Variants in RTTN observed in about 807,000 individuals in gnomAD.
RTTN encodes the protein rotatin.
A neutral mutation model predicts 269.2 loss-of-function variants in RTTN; 182 were observed. The ratio of observed to expected loss-of-function variants is 0.68; its 90% CI spans 0.60 to 0.76. RTTN has a LOEUF of 0.76. Ranked by LOEUF, RTTN falls within the 30% of genes least tolerant of loss-of-function variation. The pLI, the probability that RTTN is intolerant of heterozygous loss-of-function variation, is 0.00. For synonymous variants in RTTN, 1,006 were observed against 963.5 expected (o/e 1.04, Z -0.82); for missense variants, 2,545 against 2,608.6 (o/e 0.98, Z 0.53).
chr18:70,203,563 C>T (rs992921006), intron 3 of RTTN, among the ~76,000 whole-genome samples: 27 of 152,130 alleles, frequency 1.8e-4, no homozygotes, highest in Admixed American at 8.5e-4. Flanking sequence ...ATTACCTTAG[C>T]CAAGGTCACA....
Position 70,054,166 on chromosome 18 carries a change from A to G in RTTN, c.5150T>C (p.Ile1717Thr), listed in dbSNP as rs747644451. Reference protein sequence around the residue: ...ELVKPLITNIIGILTICTKDV... With the variant: ...ELVKPLITNITGILTICTKDV... Reference sequence around the variant, plus strand: ...TTTGGTACATATGGTGAGAATTCCAATGATATTGGTGATAAGAGGTTTCAC... The same window carrying G: ...TTTGGTACATATGGTGAGAATTCCAGTGATATTGGTGATAAGAGGTTTCAC... The change falls in exon 38 of 49, where the codon ATT becomes ACT. Residue 1717 changes from isoleucine (I) to threonine (T), a missense_variant. Transcript: ENST00000640769. 1.9e-6 allele frequency: 3 copies of G among 1,613,630 alleles called. No individual in the cohort carries two copies. The highest frequency in any genetic ancestry group is 1.1e-5 in the South Asian group (1 of 91,056).
At chr18:70,098,640 GTTTAT>G (rs1407566349) in intron 28 of RTTN, among the ~76,000 whole-genome samples, 2 of 152,126 alleles carry the variant, frequency 1.3e-5, no homozygotes, top group Admixed American at 6.5e-5. Context: ...AAAAAATGAA[GTTTAT>G]TTTATTTTTT....
intron 23 of RTTN, 115 bp from the exon 24 acceptor site, chr18:70,128,661 G>C: frequency 1.4e-6 from 1 of 708,706 alleles, no homozygotes; most frequent in African/African-American, 1.8e-5. Flanking sequence ...TAATGCAAAG[G>C]TTTCTCTTAG....
In RTTN at chr18:70,111,155, G is replaced by C. The variant is rs539976521; in HGVS notation, c.3684-1438C>G. ...AACTTCATCAGATTTAAACATCCCT[G>C]CCTGACGACTCTGAAGAGAGCAGTG... On this transcript the variant is annotated intron_variant, in intron 27 of 48. Coordinates refer to ENST00000640769, the MANE Select transcript of RTTN (RefSeq NM_173630.4). Among the ~76,000 whole-genome samples the C allele has an allele frequency of 3.3e-5, 5 of 152,336 alleles. No individual in the cohort carries two copies. In the East Asian group the frequency reaches 9.7e-4, roughly 29 times the overall value.
At chr18:70,079,299 A>C (rs1182703772) in intron 32 of RTTN, among the ~76,000 whole-genome samples, 1 of 152,118 alleles carries the variant, frequency 6.6e-6, no homozygotes, top group Admixed American at 6.6e-5. Context: ...AAAACCGAGT[A>C]ATCTGAAATA....
chr18:70,048,149 G>C lies in RTTN; in HGVS notation c.5363C>G (p.Pro1788Arg), dbSNP rs904787602. 6.2e-7 allele frequency: 1 copy of C among 1,613,934 alleles called. No individual in the cohort carries two copies. The change falls in exon 40 of 49, where the codon CCT becomes CGT. Residue 1788 changes from proline (P) to arginine (R), a missense_variant. Coordinates refer to ENST00000640769, the MANE Select transcript of RTTN (RefSeq NM_173630.4). ...TTGCAAGCTGGCAGTATACAGGGCAGGACACGTGGCAGACAAGCCTGCACA... is the reference window on the plus strand; with the variant it reads ...TTGCAAGCTGGCAGTATACAGGGCACGACACGTGGCAGACAAGCCTGCACA... ...CTCAGLSATCPALYTASLQFL... is the reference protein window; with the variant it reads ...CTCAGLSATCRALYTASLQFL...
At chr18:70,135,465 A>G (rs2060102628) in intron 21 of RTTN, among the ~76,000 whole-genome samples, 185 bp from the exon 22 acceptor site, 1 of 152,166 alleles carries the variant, frequency 6.6e-6, no homozygotes, top group Non-Finnish European at 1.5e-5. Flanking sequence ...GGCTGGTTAA[A>G]ACAGTTTCTG....
intron 10 of RTTN, among the ~76,000 whole-genome samples, chr18:70,183,722 C>A (rs1370314777): frequency 6.6e-6 from 1 of 152,116 alleles, no homozygotes; most frequent in Admixed American, 6.5e-5. Flanking sequence ...CCCGACGTTG[C>A]CAAACATCCT....
chr18:70,167,095 T>A, intron 12 of RTTN, 64 bp from the exon 13 acceptor site: 1 of 1,028,862 alleles, frequency 9.7e-7, no homozygotes, highest in Non-Finnish European at 1.5e-6. Context: ...TCTCAACAGC[T>A]AACTAAGCAG....
At chr18:70,139,795 C>A in intron 20 of RTTN, 79 bp from the exon 21 acceptor site, 2 of 848,314 alleles carry the variant, frequency 2.4e-6, no homozygotes, top group Non-Finnish European at 3.8e-6. Context: ...TATTATCTTA[C>A]TCTAAATTTT....
intron 39 of RTTN, among the ~76,000 whole-genome samples, chr18:70,049,108 T>C (rs187399320): frequency 4.3e-4 from 66 of 152,320 alleles, no homozygotes; most frequent in African/African-American, 1.4e-3. Context: ...ACTTTTTCTG[T>C]AAAGGTCCAA....
intron 34 of RTTN, among the ~76,000 whole-genome samples, chr18:70,069,615 T>C (rs1255786856): frequency 6.6e-6 from 1 of 152,204 alleles, no homozygotes; most frequent in East Asian, 1.9e-4. Context: ...CAAAAATGAT[T>C]TTCTTTGTAT....
chr18:70,191,630 A>T (rs2061673783), intron 8 of RTTN, among the ~76,000 whole-genome samples: 2 of 152,244 alleles, frequency 1.3e-5, no homozygotes, highest in South Asian at 4.1e-4. Flanking sequence ...GTAAGGATTT[A>T]AAAAGTGTAG....
intron 34 of RTTN, among the ~76,000 whole-genome samples, chr18:70,067,527 T>C (rs1262879950): frequency 1.3e-5 from 2 of 152,238 alleles, no homozygotes; most frequent in African/African-American, 4.8e-5. Context: ...AAAATGTTCC[T>C]GTCAACAGAT....
chr18:70,070,589 C>A (rs2058268714), intron 34 of RTTN, among the ~76,000 whole-genome samples: 1 of 152,168 alleles, frequency 6.6e-6, no homozygotes, highest in African/African-American at 2.4e-5. Context: ...ATGTTTCATG[C>A]CATTCCATGC....
chr18:70,071,595 G>A (rs1203737982), intron 34 of RTTN, among the ~76,000 whole-genome samples: 1 of 152,130 alleles, frequency 6.6e-6, no homozygotes, highest in Non-Finnish European at 1.5e-5. Flanking sequence ...GTTCGATAGA[G>A]GCCACTCCTG....
At chr18:70,108,370 C>A (rs1211861506) in intron 28 of RTTN, among the ~76,000 whole-genome samples, 1 of 151,828 alleles carries the variant, frequency 6.6e-6, no homozygotes, top group African/African-American at 2.4e-5. Flanking sequence ...TTCTACCTAA[C>A]ATTAGAGAAC....
chr18:70,186,308 T>C (rs1254019414), intron 10 of RTTN, among the ~76,000 whole-genome samples: 3 of 152,240 alleles, frequency 2.0e-5, no homozygotes, highest in East Asian at 3.8e-4. Flanking sequence ...GGAAACTGAC[T>C]TTAATGAAAC....
At chr18:70,134,571 G>T in intron 22 of RTTN, 30 bp from the exon 23 acceptor site, 1 of 1,532,662 alleles carries the variant, frequency 6.5e-7, no homozygotes, top group Non-Finnish European at 8.9e-7. Context: ...CAAAAACAAA[G>T]AAACAACTGA....
Sources: gnomAD v4.1 joint callset for allele counts (sites outside exome capture counted in the v4.1 genomes callset) on GRCh38, gnomAD v4.1.1 for gene constraint, MANE v1.5 for transcripts, NCBI Gene and HGNC (gene_info 2026-07-23, HGNC 2026-07-21) for gene names.